The following DAGLA variants were observed in gnomAD, a reference collection of about 807,000 sequenced individuals.
DAGLA encodes the protein diacylglycerol lipase alpha.
In DAGLA, 22 loss-of-function variants were observed where a neutral mutation model predicts 102.6. The ratio of observed to expected loss-of-function variants is 0.21; its 90% CI spans 0.15 to 0.31. The LOEUF (loss-of-function observed/expected upper bound fraction) is 0.31. Among genes scored for constraint, DAGLA ranks in the 10% least tolerant of loss-of-function variants. The pLI, the probability that DAGLA is intolerant of heterozygous loss-of-function variation, is 1.00. For synonymous variants in DAGLA, 578 were observed against 628.9 expected (o/e 0.92, Z 1.21); for missense variants, 927 against 1,446.6 (o/e 0.64, Z 5.83).
At chr11:61,737,442 A>T in intron 14 of DAGLA, 118 bp downstream of exon 14, 1 of 1,433,970 alleles carries the variant, frequency 7.0e-7, no homozygotes, top group South Asian at 1.2e-5. Context: ...GAGGTCTGGG[A>T]GTGGCCTGGA....
chr11:61,694,356 CA>C (rs567371577), intron 1 of DAGLA, among the ~76,000 whole-genome samples: 21 of 152,318 alleles, frequency 1.4e-4, no homozygotes, highest in African/African-American at 4.6e-4. Context: ...CTGCTCAGGG[CA>C]GGGCTCTCCA....
At chr11:61,700,910 C>A (rs536894616) in intron 1 of DAGLA, among the ~76,000 whole-genome samples, 1 of 152,236 alleles carries the variant, frequency 6.6e-6, no homozygotes, top group Admixed American at 6.5e-5. Context: ...CATGTGGCCC[C>A]GGGCCAGGCA....
chr11:61,729,390 C>T (rs2065356466), intron 8 of DAGLA, among the ~76,000 whole-genome samples: 1 of 152,198 alleles, frequency 6.6e-6, no homozygotes. Flanking sequence ...TTCTCAATCG[C>T]CTTTCGTAGA....
At chr11:61,683,478 C>T (rs546767909) in intron 1 of DAGLA, among the ~76,000 whole-genome samples, 13 of 152,318 alleles carry the variant, frequency 8.5e-5, no homozygotes, top group Admixed American at 3.3e-4. Flanking sequence ...CTCTTAAGTG[C>T]AGAGTCCATT....
intron 1 of DAGLA, among the ~76,000 whole-genome samples, chr11:61,694,169 G>A (rs368908507): frequency 7.2e-5 from 11 of 152,202 alleles, no homozygotes; most frequent in East Asian, 1.9e-4. Flanking sequence ...TGTAGGATTC[G>A]GGGAATCAGG....
rs1397202525 is a variant in DAGLA at position 61,743,619 on chromosome 11, C to T, written c.2259C>T (p.Asp753=). The T allele has an allele frequency of 1.3e-6, 2 of 1,590,724 alleles. No homozygotes were observed. The highest frequency in any genetic ancestry group is 1.1e-5 in the South Asian group (1 of 89,120). ...TGGTTGCGGCGGCGGCCCGCCAGGACCCGGTGGAGCTGCTGCTGCTGTCTA... is the reference window on the plus strand; with the variant it reads ...TGGTTGCGGCGGCGGCCCGCCAGGATCCGGTGGAGCTGCTGCTGCTGTCTA... The part of the protein sequence containing the change: ...SPVVAAAARQ[D]PVELLLLSTQ... The change falls in exon 20 of 20, where the codon GAC becomes GAT. Residue 753 remains aspartate (D), a synonymous_variant. Transcript: ENST00000257215.
chr11:61,698,569 G>C (rs566606096), intron 1 of DAGLA, among the ~76,000 whole-genome samples: 1 of 152,240 alleles, frequency 6.6e-6, no homozygotes, highest in Admixed American at 6.5e-5. Context: ...AGGAAACCTC[G>C]TACCCCACCT....
intron 1 of DAGLA, among the ~76,000 whole-genome samples, chr11:61,703,169 C>T (rs2065121917): frequency 6.6e-6 from 1 of 152,192 alleles, no homozygotes; most frequent in African/African-American, 2.4e-5. Flanking sequence ...TGGTGAGCTC[C>T]CCCAACCTGC....
At position 61,739,506 on chromosome 11, in the gene DAGLA, G is replaced by A. The variant is rs767016472; in HGVS notation, c.1698G>A (p.Ser566=). 3.1e-6 allele frequency: 5 copies of A among 1,613,974 alleles called. No individual in the cohort carries two copies. The highest frequency in any genetic ancestry group is 2.2e-5 in the East Asian group (1 of 44,882). ...IVGATKCIPK[S]ELPEEVEVTT... is the part of the protein sequence containing the mutation. ...GGGCCACCAAATGCATCCCCAAGTC[G>A]GAGCTGCCTGAGGAGGTAGAGGTGA... Residue 566 remains serine, a synonymous_variant, in exon 17 of 20, where the codon TCG becomes TCA. Coordinates refer to ENST00000257215, the MANE Select transcript of DAGLA (RefSeq NM_006133.3).
chr11:61,716,793 C>G (rs989445530), intron 1 of DAGLA, among the ~76,000 whole-genome samples: 5 of 152,164 alleles, frequency 3.3e-5, no homozygotes, highest in African/African-American at 1.2e-4. Context: ...AAGAGGAACT[C>G]CCAGAATGGT....
rs1347208612 is a variant in DAGLA at position 61,746,813 on chromosome 11, A to G, written c.*2324A>G. ...AATCAGTAGCGAGCAGCCGGGCCCC[A>G]CAGACCCTCATGCACTCTCTTACGT... is the stretch of plus-strand genomic sequence containing the variant. On this transcript the variant is annotated 3_prime_UTR_variant, in exon 20 of 20. Transcript: ENST00000257215. The G allele has an allele frequency of 6.6e-6, 1 of 152,620 alleles. No individual in the cohort carries two copies. The highest frequency in any genetic ancestry group is 1.5e-5 in the Non-Finnish European group (1 of 68,056). 9.5% of individuals were successfully genotyped at this position (152,620 alleles called of 1,614,324 possible). A position where few individuals can be genotyped will look rare whatever the true frequency, so the allele number is the denominator to read the frequency against.
At chr11:61,725,042 C>A (rs2065313583) in intron 5 of DAGLA, among the ~76,000 whole-genome samples, 1 of 152,124 alleles carries the variant, frequency 6.6e-6, no homozygotes, top group Non-Finnish European at 1.5e-5. Flanking sequence ...AGGGCCTGGC[C>A]TGTCACTACA....
chr11:61,736,462 G>A (rs2135600248), intron 13 of DAGLA, 112 bp downstream of exon 13: 1 of 883,010 alleles, frequency 1.1e-6, no homozygotes, highest in East Asian at 2.6e-5. Flanking sequence ...TCCCACACAA[G>A]CCAGGCTCCT....
intron 1 of DAGLA, among the ~76,000 whole-genome samples, chr11:61,697,907 A>G (rs2065079761): frequency 6.6e-6 from 1 of 152,142 alleles, no homozygotes; most frequent in African/African-American, 2.4e-5. Flanking sequence ...AGTGAGGAGC[A>G]GTGCCAGGGC....
intron 19 of DAGLA, among the ~76,000 whole-genome samples, chr11:61,742,157 A>C (rs1473924434): frequency 6.6e-6 from 1 of 152,222 alleles, no homozygotes; most frequent in East Asian, 1.9e-4. Flanking sequence ...GCACAGACCC[A>C]GACACACAAG....
chr11:61,701,111 C>T (rs2065107281), intron 1 of DAGLA, among the ~76,000 whole-genome samples: 1 of 152,244 alleles, frequency 6.6e-6, no homozygotes, highest in Non-Finnish European at 1.5e-5. Flanking sequence ...GCCCCATGTC[C>T]AGCCTGGATT....
At chr11:61,699,008 C>T (rs540798222) in intron 1 of DAGLA, among the ~76,000 whole-genome samples, 2 of 152,356 alleles carry the variant, frequency 1.3e-5, no homozygotes, top group African/African-American at 2.4e-5. Flanking sequence ...AGAGCACGCT[C>T]AACTGTGGTG....
At chr11:61,732,790 C>T (rs997524982) in intron 9 of DAGLA, among the ~76,000 whole-genome samples, 1 of 152,170 alleles carries the variant, frequency 6.6e-6, no homozygotes, top group Admixed American at 6.5e-5. Flanking sequence ...AGTGCCCCAG[C>T]CTGTCCATAA....
At chr11:61,724,366 G>A (rs1467716929) in intron 5 of DAGLA, among the ~76,000 whole-genome samples, 3 of 152,146 alleles carry the variant, frequency 2.0e-5, no homozygotes, top group East Asian at 3.8e-4. Context: ...AGCCCTTTAC[G>A]CAATTCATCC....
Sources: gnomAD v4.1 joint callset for allele counts (sites outside exome capture counted in the v4.1 genomes callset) on GRCh38, gnomAD v4.1.1 for gene constraint, MANE v1.5 for transcripts, NCBI Gene and HGNC (gene_info 2026-07-23, HGNC 2026-07-21) for gene names.